PRRG2: variants seen among roughly 807,000 people sequenced by gnomAD.
The protein encoded by PRRG2 is transmembrane gamma-carboxyglutamic acid protein 2.
Under a neutral mutation model 27.1 loss-of-function variants are expected in PRRG2, and 23 were observed. That is an observed-to-expected ratio of 0.85 (90% CI 0.61 to 1.20). The LOEUF (loss-of-function observed/expected upper bound fraction) is 1.20. PRRG2 is among the 50% of genes most tolerant of loss of function. The pLI, the probability that PRRG2 is intolerant of heterozygous loss-of-function variation, is 0.00. For synonymous variants in PRRG2, 104 were observed against 103.4 expected, an observed-to-expected ratio of 1.01 and a Z score of -0.03; for missense variants, 276 against 254.8, an observed-to-expected ratio of 1.08 and a Z score of -0.57.
At chr19:49,587,139 C>A (rs372624558) in intron 4 of PRRG2, among the ~76,000 whole-genome samples, 2 of 150,056 alleles carry the variant, frequency 1.3e-5, no homozygotes, top group African/African-American at 5.0e-5. Context: ...CAGAGTCAGA[C>A]CCTGTCTCAA....
At chr19:49,584,518 G>T (rs1254027226) in intron 4 of PRRG2, among the ~76,000 whole-genome samples, 1 of 152,122 alleles carries the variant, frequency 6.6e-6, no homozygotes, top group African/African-American at 2.4e-5. Flanking sequence ...ACCCAGGCTG[G>T]AGTGCTGTGG....
Position 49,582,239 on chromosome 19 carries a change from T to TAAAA in PRRG2, c.-14+776_-14+779dup, listed in dbSNP as rs760309836. On this transcript the variant is annotated intron_variant, in intron 1 of 6. Coordinates refer to ENST00000246794, the MANE Select transcript of PRRG2 (RefSeq NM_000951.3). Reference sequence around the variant, plus strand: ...CTGGGTGACAGAGCGAGACTCTGTCTAAAAAAAAAAAAAAAAAAAAACTCC... The same window carrying TAAAA: ...CTGGGTGACAGAGCGAGACTCTGTCTAAAAAAAAAAAAAAAAAAAAAAAAACTCC... 2.4e-3 allele frequency among the ~76,000 whole-genome samples: 177 copies of TAAAA among 74,792 alleles called. 2 individuals are homozygous for TAAAA. The highest frequency in any genetic ancestry group is 0.01 in the African/African-American group (169 of 16,612). 49.1% of individuals were successfully genotyped at this position (74,792 alleles called of 152,430 possible).
intron 4 of PRRG2, among the ~76,000 whole-genome samples, chr19:49,586,550 C>T (rs1487125962): frequency 6.6e-6 from 1 of 151,628 alleles, no homozygotes; most frequent in African/African-American, 2.4e-5. Flanking sequence ...CCACACCCAG[C>T]TATTAAAAAC....
chr19:49,584,656 G>A (rs1173631219), intron 4 of PRRG2, among the ~76,000 whole-genome samples: 3 of 152,158 alleles, frequency 2.0e-5, no homozygotes, highest in Admixed American at 6.6e-5. Flanking sequence ...TACAGACGGG[G>A]TCTCACTATG....
chr19:49,590,313 GA>G (rs113267910), intron 6 of PRRG2, 57 bp from the exon 7 acceptor site: 28 of 1,612,802 alleles, frequency 1.7e-5, no homozygotes, highest in African/African-American at 1.6e-4. Context: ...GGTCCTGGTT[GA>G]AGGGGGGAGA....
chr19:49,586,096 A>C (rs1363535699), intron 4 of PRRG2, among the ~76,000 whole-genome samples: 2 of 150,482 alleles, frequency 1.3e-5, no homozygotes, highest in South Asian at 4.2e-4. Flanking sequence ...AAAAAAAAAA[A>C]ACAAGGAAAT....
chr19:49,581,003 T>C (rs1381812582), upstream of PRRG2, among the ~76,000 whole-genome samples: 10 of 152,158 alleles, frequency 6.6e-5, no homozygotes. Context: ...TTCAAGTCGC[T>C]CTCAGGAAAC....
intron 5 of PRRG2, 138 bp downstream of exon 5, chr19:49,588,770 A>G: frequency 8.6e-7 from 1 of 1,156,148 alleles, no homozygotes; most frequent in Non-Finnish European, 1.2e-6. Flanking sequence ...TTGGAGAGTG[A>G]GTCTGTGAGC....
chr19:49,583,886 CT>C lies in PRRG2; in HGVS notation c.262-25del, dbSNP rs760819128. ...CCCAGCTGAATTCCTGCTTTTTCCCCTTCTTTTCCACTCCTTCCCCCTCAAG... is the reference window on the plus strand; with the variant it reads ...CCCAGCTGAATTCCTGCTTTTTCCCCTCTTTTCCACTCCTTCCCCCTCAAG... On this transcript the variant is annotated intron_variant, in intron 3 of 6. Coordinates refer to ENST00000246794, the MANE Select transcript of PRRG2 (RefSeq NM_000951.3). 2.8e-5 allele frequency: 45 copies of C among 1,613,030 alleles called. No homozygotes were observed. In the Admixed American group the frequency reaches 4.3e-4, roughly 16 times the overall value.
chr19:49,583,543 A>G lies in PRRG2; in HGVS notation c.87A>G (p.Glu29=), dbSNP rs1052585628. 3.7e-6 allele frequency: 6 copies of G among 1,613,904 alleles called. No individual in the cohort carries two copies. Among genetic ancestry groups the G allele is most frequent in the Non-Finnish European group, 5.1e-6 (6 of 1,179,904 alleles). ...DTSPSEETDQ[E]VFLGPPEAQS... ...TGTCCCTCATGTCTTTGGGTCCAGAAGTCTTCCTGGGTCCCCCAGAGGCCC... is the reference window on the plus strand; with the variant it reads ...TGTCCCTCATGTCTTTGGGTCCAGAGGTCTTCCTGGGTCCCCCAGAGGCCC... Residue 29 remains glutamate, a splice_region_variant and synonymous_variant, in exon 3 of 7, where the codon GAA becomes GAG. Coordinates refer to ENST00000246794, the MANE Select transcript of PRRG2 (RefSeq NM_000951.3).
chr19:49,583,292 G>A lies in PRRG2; in HGVS notation c.73G>A (p.Glu25Lys). Residue 25 changes from glutamate to lysine, a missense_variant, in exon 2 of 7, where the codon GAG (glutamate) becomes AAG (lysine). Coordinates refer to ENST00000246794, the MANE Select transcript of PRRG2 (RefSeq NM_000951.3). ...TTCLDTSPSE[E>K]TDQEVFLGPP... is the part of the protein sequence containing the mutation. ...CTGCCTGGATACTTCACCCAGTGAGGAGACAGACCAAGGTGAGTGTTTGGG... is the reference window on the plus strand; with the variant it reads ...CTGCCTGGATACTTCACCCAGTGAGAAGACAGACCAAGGTGAGTGTTTGGG... The A allele has an allele frequency of 1.2e-6, 2 of 1,614,122 alleles. No individual in the cohort carries two copies. Among genetic ancestry groups the A allele is most frequent in the Non-Finnish European group, 1.7e-6 (2 of 1,179,964 alleles).
chr19:49,585,713 G>A (rs559834376), intron 4 of PRRG2, among the ~76,000 whole-genome samples: 2 of 152,104 alleles, frequency 1.3e-5, no homozygotes, highest in Admixed American at 6.6e-5. Context: ...CACAAGAATC[G>A]CTGCAGCTGG....
At position 49,590,185 on chromosome 19, in the gene PRRG2, G is replaced by GGCC. The variant is rs2080707548; in HGVS notation, c.590+134_590+136dup. On this transcript the variant is annotated intron_variant, in intron 6 of 6. Transcript: ENST00000246794. ...GGCGGGGCTTGGAGTGCGGGGGCGGGGCCCCATGCAATGGTCTAGGGGCGT... is the reference window on the plus strand; with the variant it reads ...GGCGGGGCTTGGAGTGCGGGGGCGGGGCCGCCCCATGCAATGGTCTAGGGGCGT... 17 of 1,400,722 alleles carry GGCC rather than the reference G, an allele frequency of 1.2e-5. No individual in the cohort carries two copies. In the South Asian group the frequency reaches 1.9e-4, roughly 16 times the overall value. 86.8% of individuals were successfully genotyped at this position (1,400,722 alleles called of 1,614,324 possible). A position where few individuals can be genotyped will look rare whatever the true frequency, so the allele number is the denominator to read the frequency against.
In PRRG2 at chr19:49,588,546, C is replaced by T. The variant is rs996908046; in HGVS notation, c.351C>T (p.Gly117=). The T allele has an allele frequency of 5.1e-6, 8 of 1,575,718 alleles. No homozygotes were observed. The African/African-American group carries it at 1.1e-4, about 21-fold the overall frequency. The change falls in exon 5 of 7, where the codon GGC becomes GGT. Residue 117 remains glycine (G), a synonymous_variant. Transcript: ENST00000246794. ...GCCTGGCTGTGGGGCTGACAGGTGG[C>T]ATCCTGCTCATTGTCCTGGCCGGCC... ...VASLAVGLTG[G]ILLIVLAGLG...
At chr19:49,589,660 G>A (rs1378064828) in intron 5 of PRRG2, among the ~76,000 whole-genome samples, 2 of 151,878 alleles carry the variant, frequency 1.3e-5, no homozygotes, top group Non-Finnish European at 2.9e-5. Flanking sequence ...CTGAATAAGA[G>A]TGTGTCTCTG....
chr19:49,584,055 T>C lies in PRRG2; in HGVS notation c.301+103T>C. On this transcript the variant is annotated intron_variant, in intron 4 of 6. Coordinates refer to ENST00000246794, the MANE Select transcript of PRRG2 (RefSeq NM_000951.3). ...CACCCCAAATTAGGTACAAGAATCG[T>C]CTGCCCCCCAATTCTGTGCTCTCTG... The C allele has an allele frequency of 6.4e-6, 8 of 1,259,762 alleles. No individual in the cohort carries two copies. The South Asian group carries it at 1.0e-4, about 16-fold the overall frequency. 78.0% of individuals were successfully genotyped at this position (1,259,762 alleles called of 1,614,324 possible).
intron 5 of PRRG2, among the ~76,000 whole-genome samples, chr19:49,589,326 A>G (rs2080696497): frequency 6.6e-6 from 1 of 150,544 alleles, no homozygotes; most frequent in African/African-American, 2.4e-5. Context: ...GGGTTTCTCT[A>G]TGTTGGTCAG....
At chr19:49,583,123 T>A in intron 1 of PRRG2, 84 bp from the exon 2 acceptor site, 3 of 1,092,702 alleles carry the variant, frequency 2.7e-6, no homozygotes, top group Non-Finnish European at 4.1e-6. Flanking sequence ...TTGCCATTCG[T>A]GGACCACAGA....
intron 5 of PRRG2, among the ~76,000 whole-genome samples, chr19:49,589,123 C>CTTT (rs778928178): frequency 8.5e-5 from 9 of 106,068 alleles, no homozygotes; most frequent in East Asian, 5.2e-4. Context: ...ACAGGGCTGT[C>CTTT]TTTTTTTTTT....
Sources: gnomAD v4.1 joint callset for allele counts (sites outside exome capture counted in the v4.1 genomes callset) on GRCh38, gnomAD v4.1.1 for gene constraint, MANE v1.5 for transcripts, NCBI Gene and HGNC (gene_info 2026-07-23, HGNC 2026-07-21) for gene names.